The following MAPK10 variants were observed in gnomAD, a reference collection of about 807,000 sequenced individuals.
MAPK10 encodes mitogen-activated protein kinase 10.
Under a neutral mutation model 59.3 loss-of-function variants are expected in MAPK10, and 25 were observed. The ratio of observed to expected loss-of-function variants is 0.42; its 90% CI spans 0.31 to 0.59. MAPK10 has a LOEUF of 0.59. Ranked by LOEUF, MAPK10 falls within the 20% of genes least tolerant of loss-of-function variation. The pLI is 0.15. For missense variants in MAPK10, 351 were observed against 568.9 expected (o/e 0.62, Z 3.90); for synonymous variants, 190 against 200.5 (o/e 0.95, Z 0.44).
intron 4 of MAPK10, among the ~76,000 whole-genome samples, chr4:86,149,702 T>G (rs2065922193): frequency 6.6e-6 from 1 of 152,246 alleles, no homozygotes; most frequent in Non-Finnish European, 1.5e-5. Flanking sequence ...GACTGCTAAG[T>G]AAATCCAGGC....
At chr4:86,031,599 G>A (rs901044068) in intron 11 of MAPK10, 168 bp from the exon 12 acceptor site, 13 of 550,948 alleles carry the variant, frequency 2.4e-5, no homozygotes, top group African/African-American at 2.1e-4. Context: ...GTAAACTTAT[G>A]GAGGATTCAT....
intron 2 of MAPK10, among the ~76,000 whole-genome samples, chr4:86,232,258 G>A (rs1386884067): frequency 1.3e-5 from 2 of 152,134 alleles, no homozygotes; most frequent in African/African-American, 4.8e-5. Flanking sequence ...AAAATGACCT[G>A]TTAAGTTTGT....
chr4:86,218,563 T>G, intron 2 of MAPK10, among the ~76,000 whole-genome samples: 1 of 96,346 alleles, frequency 1.0e-5, no homozygotes, highest in Admixed American at 1.0e-4. Flanking sequence ...ATAATAAGAC[T>G]TAAGCAAAAA....
At chr4:86,208,906 T>C (rs1383249935) in intron 2 of MAPK10, among the ~76,000 whole-genome samples, 4 of 152,142 alleles carry the variant, frequency 2.6e-5, no homozygotes, top group African/African-American at 7.2e-5. Flanking sequence ...TAGTATCTGA[T>C]AATACCTAAT....
intron 1 of MAPK10, among the ~76,000 whole-genome samples, chr4:86,585,237 G>C (rs903505376): frequency 6.6e-6 from 1 of 152,156 alleles, no homozygotes; most frequent in African/African-American, 2.4e-5. Context: ...GACTCTGTAT[G>C]CAGTAGTAAT....
intron 1 of MAPK10, among the ~76,000 whole-genome samples, chr4:86,386,207 C>T (rs1033698943): frequency 2.0e-5 from 3 of 152,194 alleles, no homozygotes; most frequent in Non-Finnish European, 2.9e-5. Flanking sequence ...AATTGCGATA[C>T]TCCGCTCCTG....
chr4:86,353,985 C>A (rs770119936), intron 2 of MAPK10, among the ~76,000 whole-genome samples: 12 of 152,108 alleles, frequency 7.9e-5, no homozygotes, highest in Non-Finnish European at 1.3e-4. Flanking sequence ...CTAGGCAGAG[C>A]AACTGTATCT....
chr4:86,523,202 T>C (rs2062197480), intron 1 of MAPK10, among the ~76,000 whole-genome samples: 1 of 152,232 alleles, frequency 6.6e-6, no homozygotes, highest in African/African-American at 2.4e-5. Flanking sequence ...CACTCTTTCA[T>C]TCACTTTTTT....
At position 86,104,612 on chromosome 4, in the gene MAPK10, C is replaced by T. The variant is rs539013493; in HGVS notation, c.367-1368G>A. On this transcript the variant is annotated intron_variant, in intron 5 of 13. Coordinates refer to ENST00000641462, the MANE Select transcript of MAPK10 (RefSeq NM_138982.4). Reference sequence around the variant, plus strand: ...GAGACTGTGTATACAGCACACATTACATCCACACAAACATTCACATGAACA... The same window carrying T: ...GAGACTGTGTATACAGCACACATTATATCCACACAAACATTCACATGAACA... 4.6e-5 allele frequency among the ~76,000 whole-genome samples: 7 copies of T among 152,196 alleles called. No homozygotes were observed. In the South Asian group the frequency reaches 6.2e-4, roughly 13 times the overall value.
intron 2 of MAPK10, among the ~76,000 whole-genome samples, chr4:86,319,856 A>C (rs2095856310): frequency 6.6e-6 from 1 of 152,202 alleles, no homozygotes; most frequent in African/African-American, 2.4e-5. Flanking sequence ...GGAAGTCTTG[A>C]TCAATCAAGC....
intron 2 of MAPK10, among the ~76,000 whole-genome samples, chr4:86,260,022 C>T (rs6531913): frequency 0.43 from 64,577 of 151,872 alleles, 15,419 homozygotes; most frequent in African/African-American, 0.64. Context: ...TACTCATTAA[C>T]TGTTTGGCTT....
intron 1 of MAPK10, among the ~76,000 whole-genome samples, chr4:86,356,099 C>T (rs1363808543): frequency 6.6e-6 from 1 of 151,940 alleles, no homozygotes; most frequent in Non-Finnish European, 1.5e-5. Context: ...TAGTGAAAAT[C>T]CTGTTTATTA....
Position 86,547,064 on chromosome 4 carries a change from A to C in MAPK10, c.-263+46846T>G, listed in dbSNP as rs139182469. ...GAGACTCCGTCTAAAAACAAACAAA[A>C]AAAAAGTGCTAAAGGGAAAGGCTGA... On this transcript the variant is annotated intron_variant, in intron 1 of 4. Transcript: ENST00000502302. Among the ~76,000 whole-genome samples, 36 of 152,298 alleles carry C rather than the reference A, an allele frequency of 2.4e-4. No homozygotes were observed. In the East Asian group the frequency reaches 2.9e-3, roughly 12 times the overall value.
chr4:86,538,164 T>TC (rs570345058), intron 1 of MAPK10, among the ~76,000 whole-genome samples: 1 of 151,972 alleles, frequency 6.6e-6, no homozygotes, highest in Non-Finnish European at 1.5e-5. Flanking sequence ...TTTTTTTTTT[T>TC]AGACGGAGTT....
intron 2 of MAPK10, among the ~76,000 whole-genome samples, chr4:86,301,587 T>C (rs2095474017): frequency 6.6e-6 from 1 of 152,162 alleles, no homozygotes; most frequent in Non-Finnish European, 1.5e-5. Flanking sequence ...TCCAGGAAAT[T>C]TGACGGGCTT....
chr4:86,169,966 C>T (rs1006051252), intron 3 of MAPK10, among the ~76,000 whole-genome samples: 3 of 151,968 alleles, frequency 2.0e-5, no homozygotes, highest in Non-Finnish European at 4.4e-5. Flanking sequence ...CCAAACTAAG[C>T]TTTATAAGTG....
At chr4:86,456,800 C>T (rs1751275309), upstream of MAPK10, among the ~76,000 whole-genome samples, 1 of 152,182 alleles carries the variant, frequency 6.6e-6, no homozygotes, top group African/African-American at 2.4e-5. Context: ...CTCCCTAAAT[C>T]ATTCTATGAA....
At chr4:86,184,311 A>C (rs917711532) in intron 3 of MAPK10, among the ~76,000 whole-genome samples, 3 of 151,974 alleles carry the variant, frequency 2.0e-5, no homozygotes, top group African/African-American at 7.2e-5. Context: ...ATGGCAAGTA[A>C]ATGGCTAGGA....
intron 1 of MAPK10, among the ~76,000 whole-genome samples, chr4:86,547,402 G>A (rs1022470496): frequency 5.3e-5 from 8 of 152,242 alleles, no homozygotes; most frequent in Admixed American, 3.3e-4. Context: ...GCAGTCGGCC[G>A]GCCCCACCGC....
Sources: allele counts gnomAD v4.1 joint callset (sites outside exome capture counted in the v4.1 genomes callset), GRCh38; gene constraint gnomAD v4.1.1; transcripts MANE v1.5; gene names NCBI Gene and HGNC (gene_info 2026-07-23, HGNC 2026-07-21).